RIN2: variants seen among roughly 807,000 people sequenced by gnomAD.
RIN2 encodes RAB5 interacting protein 2.
Under a neutral mutation model 78.0 loss-of-function variants are expected in RIN2, and 36 were observed. That is an observed-to-expected ratio of 0.46 (90% CI 0.35 to 0.61). The LOEUF (loss-of-function observed/expected upper bound fraction) is 0.61. RIN2 is among the 20% of genes least tolerant of loss of function. RIN2 has a pLI of 0.00. For missense variants in RIN2, 1,087 were observed against 1,159.7 expected (o/e 0.94, Z 0.91); for synonymous variants, 466 against 466.8 (o/e 1.00, Z 0.02).
Position 19,968,278 on chromosome 20 carries a change from G to A in RIN2, c.537-2560G>A, listed in dbSNP as rs549863721. Among the ~76,000 whole-genome samples the A allele has an allele frequency of 4.6e-5, 7 of 152,318 alleles. No individual in the cohort carries two copies. The South Asian group carries it at 1.5e-3, about 32-fold the overall frequency. Reference sequence around the variant, plus strand: ...GATGATCTTTGTCCCCTCCCCTTTAGAAATCTACGTATAGAGCAAAGTTAA... The same window carrying A: ...GATGATCTTTGTCCCCTCCCCTTTAAAAATCTACGTATAGAGCAAAGTTAA... On this transcript the variant is annotated intron_variant, in intron 7 of 12. Transcript: ENST00000255006.
chr20:19,860,191 C>A (rs1241443708), intron 2 of RIN2, among the ~76,000 whole-genome samples: 1 of 152,184 alleles, frequency 6.6e-6, no homozygotes, highest in East Asian at 1.9e-4. Flanking sequence ...CAGAGAAAAC[C>A]CTCAGATGAA....
intron 3 of RIN2, among the ~76,000 whole-genome samples, chr20:19,909,384 A>G (rs1280883772): frequency 6.6e-6 from 1 of 152,164 alleles, no homozygotes; most frequent in Non-Finnish European, 1.5e-5. Flanking sequence ...CCACTTATAC[A>G]TAACTAAAAA....
intron 6 of RIN2, among the ~76,000 whole-genome samples, chr20:19,963,733 G>A (rs2041841895): frequency 6.6e-6 from 1 of 152,016 alleles, no homozygotes; most frequent in African/African-American, 2.4e-5. Context: ...ATCAGTGTGA[G>A]TTGCTCAGCT....
chr20:19,908,640 A>C (rs1163165550), intron 3 of RIN2, among the ~76,000 whole-genome samples: 1 of 152,230 alleles, frequency 6.6e-6, no homozygotes, highest in African/African-American at 2.4e-5. Flanking sequence ...GTAACCCCAA[A>C]ACATCATCAT....
chr20:19,843,743 C>T (rs1264427929), intron 2 of RIN2, among the ~76,000 whole-genome samples: 3 of 152,148 alleles, frequency 2.0e-5, no homozygotes, highest in African/African-American at 7.2e-5. Context: ...AATCCACCAG[C>T]ATGCGCGAAT....
intron 3 of RIN2, 84 bp from the exon 4 acceptor site, chr20:19,935,015 T>G: frequency 1.1e-6 from 1 of 950,476 alleles, no homozygotes; most frequent in Non-Finnish European, 1.7e-6. Context: ...TCTGTTCCTA[T>G]TGAAAAGCCT....
intron 2 of RIN2, among the ~76,000 whole-genome samples, chr20:19,887,338 G>T (rs937435047): frequency 2.0e-5 from 3 of 152,210 alleles, no homozygotes; most frequent in Middle Eastern, 3.4e-3. Flanking sequence ...TTCTGGCCAA[G>T]GACTTTATTT....
chr20:19,833,068 A>C lies in RIN2; in HGVS notation c.-37+33321A>C, dbSNP rs146075705. On this transcript the variant is annotated intron_variant, in intron 2 of 12. Transcript: ENST00000255006. ...ACATGTTCCTCCCCACGGAAACCAC[A>C]GTGAAAGCTCCCGCCCACAGTTTTC... Among the ~76,000 whole-genome samples, 418 of 152,274 alleles carry C rather than the reference A, an allele frequency of 2.7e-3. 2 individuals carry two copies. Among genetic ancestry groups the C allele is most frequent in the Admixed American group, 4.8e-3 (73 of 15,292 alleles).
intron 9 of RIN2, among the ~76,000 whole-genome samples, chr20:19,982,380 G>GT (rs1404280484): frequency 4.6e-5 from 7 of 152,108 alleles, no homozygotes; most frequent in African/African-American, 7.2e-5. Flanking sequence ...GTGGCCTGCT[G>GT]TTTTTTTGCG....
At chr20:19,859,157 A>G (rs1234661094) in intron 2 of RIN2, among the ~76,000 whole-genome samples, 1 of 152,230 alleles carries the variant, frequency 6.6e-6, no homozygotes, top group African/African-American at 2.4e-5. Context: ...GAGTCTCCTT[A>G]GAGGCACTAA....
intron 6 of RIN2, among the ~76,000 whole-genome samples, chr20:19,963,232 CTGTGTGTCTG>C (rs953217100): frequency 6.6e-6 from 1 of 152,038 alleles, no homozygotes; most frequent in Non-Finnish European, 1.5e-5. Context: ...TTTGTTGTTT[CTGTGTGTCTG>C]TGTGTGTCTG....
intron 1 of RIN2, among the ~76,000 whole-genome samples, chr20:19,765,245 T>C (rs1188445307): frequency 5.3e-5 from 8 of 152,266 alleles, no homozygotes; most frequent in Non-Finnish European, 1.2e-4. Flanking sequence ...GGGGATTTGT[T>C]TGGAATTATA....
In RIN2 at chr20:19,956,841, C is replaced by A. The variant is rs371441644; in HGVS notation, c.351+34C>A. On this transcript the variant is annotated intron_variant, in intron 5 of 12. Coordinates refer to ENST00000255006, the MANE Select transcript of RIN2 (RefSeq NM_018993.4). ...CAGAACCTCGGGAAGCAGGTTGAAG[C>A]AGGCAGGACTGCTGCCGGCTTAAAG... The A allele has an allele frequency of 8.2e-5, 121 of 1,484,606 alleles. No individual in the cohort carries two copies. The African/African-American group carries it at 1.3e-3, about 16-fold the overall frequency. The allele number at this position is 1,484,606 out of a possible 1,614,324, so 92.0% of individuals were successfully genotyped here.
intron 3 of RIN2, among the ~76,000 whole-genome samples, chr20:19,922,776 G>C (rs2039979130): frequency 1.3e-5 from 2 of 152,188 alleles, no homozygotes; most frequent in African/African-American, 4.8e-5. Context: ...CCAAAGACCA[G>C]TGTCCCCAGC....
rs1199687093 is a variant in RIN2 at position 19,822,976 on chromosome 20, A to T, written c.-37+23229A>T. On this transcript the variant is annotated intron_variant, in intron 2 of 12. Coordinates refer to ENST00000255006, the MANE Select transcript of RIN2 (RefSeq NM_018993.4). ...TATTTCTAATAATTTCTAATAATAA[A>T]TAATCACTAGAATAGCTAGCATTTA... Among the ~76,000 whole-genome samples, 4 of 152,310 alleles carry T rather than the reference A, an allele frequency of 2.6e-5. No homozygotes were observed. The East Asian group carries it at 7.7e-4, about 29-fold the overall frequency.
intron 2 of RIN2, among the ~76,000 whole-genome samples, chr20:19,849,180 A>G (rs990509335): frequency 7.2e-5 from 11 of 152,290 alleles, no homozygotes; most frequent in Non-Finnish European, 7.4e-5. Context: ...AAAAAAAAAA[A>G]ATTCTGGTTC....
intron 2 of RIN2, among the ~76,000 whole-genome samples, chr20:19,859,126 T>TG (rs2037254539): frequency 6.6e-6 from 1 of 152,178 alleles, no homozygotes; most frequent in Non-Finnish European, 1.5e-5. Flanking sequence ...CTTAGAATGT[T>TG]GGGACTACAT....
intron 2 of RIN2, among the ~76,000 whole-genome samples, chr20:19,817,075 A>C (rs76361665): frequency 6.6e-6 from 1 of 152,326 alleles, no homozygotes; most frequent in South Asian, 2.1e-4. Flanking sequence ...TGGAGGTGGT[A>C]GAGTTCAATC....
At chr20:19,917,759 AAT>A (rs11470639) in intron 3 of RIN2, among the ~76,000 whole-genome samples, 39,768 of 152,064 alleles carry the variant, frequency 0.26, 6,468 homozygotes, top group East Asian at 0.55. Flanking sequence ...CATCTCAAGA[AAT>A]ATGTTTTAAA....
Sources: allele counts gnomAD v4.1 joint callset (sites outside exome capture counted in the v4.1 genomes callset), GRCh38; gene constraint gnomAD v4.1.1; transcripts MANE v1.5; gene names NCBI Gene and HGNC (gene_info 2026-07-23, HGNC 2026-07-21).